The following ZNF888 variants were observed in gnomAD, a reference collection of about 807,000 sequenced individuals.
The protein encoded by ZNF888 is CTD-2331H12.6.
ZNF888 carries 5 observed loss-of-function variants against 7.2 expected under a neutral mutation model. The observed-to-expected ratio is 0.70, with a 90% CI of 0.36 to 1.46. The LOEUF is 1.46. Among genes scored for constraint, ZNF888 ranks in the 40% most tolerant of loss-of-function variants. ZNF888 has a pLI of 0.03. For missense variants in ZNF888, 716 were observed against 858.0 expected, an observed-to-expected ratio of 0.83 and a Z score of 2.07; for synonymous variants, 240 against 284.3, an observed-to-expected ratio of 0.84 and a Z score of 1.57.
chr19:52,912,378 G>A (rs1275586841), intron 4 of ZNF888, among the ~76,000 whole-genome samples: 2 of 151,352 alleles, frequency 1.3e-5, no homozygotes, highest in Non-Finnish European at 2.9e-5. Context: ...CTCCCAAAGT[G>A]CTGGGATTAC....
At chr19:52,919,339 CAT>C (rs2064794353) in intron 1 of ZNF888, among the ~76,000 whole-genome samples, 1 of 65,556 alleles carries the variant, frequency 1.5e-5, no homozygotes, top group African/African-American at 4.8e-5. Context: ...GACTGGTTTT[CAT>C]GTTTTTTTTG....
In ZNF888 at chr19:52,907,784, A is replaced by G. The variant is rs1457802568; in HGVS notation, c.538T>C (p.Ser180Pro). ...ASSVSTSQRI[S>P]CRPKTHISNN... ...GAAATATGGGTTTTGGGCCTACAAG[A>G]AATTCTTTGGGATGTTGAAACTGAG... The change falls in exon 5 of 5, where the codon TCT (serine) becomes CCT (proline). Residue 180 changes from serine to proline, a missense_variant. This residue lies in a region of ZNF888 where 697 missense variants were observed against 803.4 expected (regional missense o/e 0.87). Transcript: ENST00000638862. 6.2e-7 allele frequency: 1 copy of G among 1,614,020 alleles called. No individual in the cohort carries two copies. The highest frequency in any genetic ancestry group is 1.3e-5 in the African/African-American group (1 of 74,938).
intron 1 of ZNF888, among the ~76,000 whole-genome samples, chr19:52,922,795 G>A (rs1375439059): frequency 4.6e-5 from 7 of 152,192 alleles, no homozygotes; most frequent in South Asian, 2.1e-4. Context: ...AGCTGGGCAG[G>A]CAAGAACACC....
chr19:52,913,068 T>C (rs1260389688), intron 4 of ZNF888, among the ~76,000 whole-genome samples: 2 of 152,026 alleles, frequency 1.3e-5, no homozygotes, highest in East Asian at 1.9e-4. Flanking sequence ...GATCGCAACA[T>C]TACATTTCAG....
chr19:52,922,575 T>A (rs1427164997), intron 1 of ZNF888, among the ~76,000 whole-genome samples: 1 of 152,204 alleles, frequency 6.6e-6, no homozygotes, highest in Admixed American at 6.5e-5. Context: ...CTTTTGTTTT[T>A]TCACTTTTGC....
In ZNF888 at chr19:52,907,761, A is replaced by C. The variant is rs183174944; in HGVS notation, c.561T>G (p.Ile187Met). ...AGAAATTATTCCCATAGTTATTAGA[A>C]ATATGGGTTTTGGGCCTACAAGAAA... is the stretch of plus-strand genomic sequence containing the variant. ...QRISCRPKTH[I>M]SNNYGNNFFH... Residue 187 changes from isoleucine to methionine, a missense_variant, in exon 5 of 5, where the codon ATT becomes ATG. Around this residue, in one of 2 missense-constraint regions of ZNF888, gnomAD observed 697 missense variants for 803.4 expected, o/e 0.87. Transcript: ENST00000638862. 4.6e-5 allele frequency: 75 copies of C among 1,614,124 alleles called. 1 individual carries two copies. Among genetic ancestry groups the C allele is most frequent in the Non-Finnish European group, 6.1e-5 (72 of 1,180,024 alleles).
intron 4 of ZNF888, among the ~76,000 whole-genome samples, chr19:52,914,613 G>A (rs901347822): frequency 1.3e-5 from 2 of 152,150 alleles, no homozygotes; most frequent in Non-Finnish European, 2.9e-5. Flanking sequence ...CTACAGAATC[G>A]AAAGCACAGG....
chr19:52,918,037 G>C, intron 2 of ZNF888, 106 bp from the exon 3 acceptor site: 1 of 1,474,418 alleles, frequency 6.8e-7, no homozygotes, highest in African/African-American at 1.4e-5. Flanking sequence ...CCTCACCCTG[G>C]GAAATATGGT....
chr19:52,906,552 C>G lies in ZNF888; in HGVS notation c.1770G>C (p.Gln590His). The G allele has an allele frequency of 6.2e-7, 1 of 1,612,510 alleles. No individual in the cohort carries two copies. The highest frequency in any genetic ancestry group is 8.5e-7 in the Non-Finnish European group (1 of 1,179,476). Residue 590 changes from glutamine to histidine, a missense_variant, in exon 5 of 5, where the codon CAG (glutamine) becomes CAC (histidine). By Grantham distance (24) the Gln-to-His change is conservative (BLOSUM62 0). This residue lies in a region of ZNF888 where 697 missense variants were observed against 803.4 expected (regional missense o/e 0.87). Transcript: ENST00000638862. ...CNECGKVFRT[Q>H]SQLACHHRLH... ...GTCTATGATGACATGCAAGTTGTGA[C>G]TGTGTCCTAAAAACCTTGCCACATT...
chr19:52,905,806 G>A lies in ZNF888; in HGVS notation c.*359C>T. ...ATTCTGCAAGGAGTGATCTCAGACT[G>A]AAGACCTTGCCACACTGATGACATT... On this transcript the variant is annotated 3_prime_UTR_variant, in exon 5 of 5. Transcript: ENST00000638862. 1 of 674,044 alleles carries A rather than the reference G, an allele frequency of 1.5e-6. No individual in the cohort carries two copies. Among genetic ancestry groups the A allele is most frequent in the South Asian group, 1.4e-5 (1 of 71,990 alleles). The allele number at this position is 674,044 out of a possible 1,614,324, so 41.8% of individuals were successfully genotyped here. A position where few individuals can be genotyped will look rare whatever the true frequency, so the allele number is the denominator to read the frequency against.
intron 1 of ZNF888, 41 bp downstream of exon 1, chr19:52,923,328 C>A: frequency 1.0e-6 from 1 of 985,750 alleles, no homozygotes; most frequent in Non-Finnish European, 1.2e-6. Context: ...TTGCCGGGGA[C>A]CTGGAGGCAC....
intron 1 of ZNF888, among the ~76,000 whole-genome samples, chr19:52,920,523 AAAAG>A (rs2064813810): frequency 9.3e-5 from 4 of 43,172 alleles, no homozygotes; most frequent in East Asian, 3.7e-4. Context: ...AAAAGAAAAA[AAAAG>A]AAAAGGAAAA....
intron 1 of ZNF888, chr19:52,921,661 C>T (rs1168744212): frequency 3.0e-6 from 3 of 984,710 alleles, no homozygotes; most frequent in Non-Finnish European, 3.6e-6. Flanking sequence ...AAAGTGTAAA[C>T]ACACAGCTAT....
At chr19:52,918,167 C>G (rs927258231) in intron 2 of ZNF888, 3 of 985,282 alleles carry the variant, frequency 3.0e-6, no homozygotes, top group African/African-American at 1.7e-5. Context: ...ATGAGCTCCC[C>G]TTCAAGGCAC....
At chr19:52,917,987 A>G in intron 2 of ZNF888, 56 bp from the exon 3 acceptor site, 1 of 1,579,876 alleles carries the variant, frequency 6.3e-7, no homozygotes, top group Non-Finnish European at 8.6e-7. Context: ...CAGAGTCAAC[A>G]TACCCCCTCC....
chr19:52,910,149 CAAAAA>C (rs71335690), intron 4 of ZNF888, among the ~76,000 whole-genome samples: 2 of 83,942 alleles, frequency 2.4e-5, no homozygotes, highest in East Asian at 3.9e-4. Context: ...GACTTCGTCT[CAAAAA>C]AAAAAAAAAA....
At chr19:52,913,164 C>T (rs1375464167) in intron 4 of ZNF888, among the ~76,000 whole-genome samples, 1 of 151,876 alleles carries the variant, frequency 6.6e-6, no homozygotes, top group Admixed American at 6.6e-5. Flanking sequence ...ATATGTGTAC[C>T]TTTTCTTCAT....
rs113341881 is a variant in ZNF888 at position 52,905,609 on chromosome 19, T to A, written c.*556A>T. ...GCATTACAGGTGTGAGCCACCGCACTCAGCCTAATCCTCTTAACATAAACA... is the reference window on the plus strand; with the variant it reads ...GCATTACAGGTGTGAGCCACCGCACACAGCCTAATCCTCTTAACATAAACA... On this transcript the variant is annotated 3_prime_UTR_variant, in exon 5 of 5. Coordinates refer to ENST00000638862, the MANE Select transcript of ZNF888 (RefSeq NM_001393938.1). The A allele has an allele frequency of 2.7e-6, 1 of 366,146 alleles. No individual in the cohort carries two copies. The highest frequency in any genetic ancestry group is 2.1e-5 in the African/African-American group (1 of 47,024). The allele number at this position is 366,146 out of a possible 1,614,324, so 22.7% of individuals were successfully genotyped here.
chr19:52,905,948 G>C lies in ZNF888; in HGVS notation c.*217C>G. On this transcript the variant is annotated 3_prime_UTR_variant, in exon 5 of 5. Coordinates refer to ENST00000638862, the MANE Select transcript of ZNF888 (RefSeq NM_001393938.1). The stretch of plus-strand genomic sequence containing the variant: ...GTTTCTCTCCTGTATGAATTCTCCT[G>C]TTTTGCATAGGATGAAGCTTGACTG... The C allele has an allele frequency of 1.2e-6, 1 of 843,090 alleles. No homozygotes were observed. The highest frequency in any genetic ancestry group is 1.9e-5 in the Admixed American group (1 of 53,768). The allele number at this position is 843,090 out of a possible 1,614,324, so 52.2% of individuals were successfully genotyped here.
Sources: gnomAD v4.1 joint callset for allele counts (sites outside exome capture counted in the v4.1 genomes callset) on GRCh38, gnomAD v4.1.1 for gene constraint, gnomAD v4.1.1 regional missense constraint, MANE v1.5 for transcripts, NCBI Gene and HGNC (gene_info 2026-07-23, HGNC 2026-07-21) for gene names.